PTPN4: variants seen among roughly 807,000 people sequenced by gnomAD.
The protein encoded by PTPN4 is tyrosine-protein phosphatase non-receptor type 4.
In PTPN4, 49 loss-of-function variants were observed where a neutral mutation model predicts 135.5. The ratio of observed to expected loss-of-function variants is 0.36; its 90% CI spans 0.29 to 0.46. PTPN4 has a LOEUF of 0.46. PTPN4 is among the 20% of genes least tolerant of loss of function. PTPN4 has a pLI of 1.00. For synonymous variants in PTPN4, 333 were observed against 369.9 expected, an observed-to-expected ratio of 0.90 and a Z score of 1.14; for missense variants, 860 against 1,101.0, an observed-to-expected ratio of 0.78 and a Z score of 3.10.
intron 1 of PTPN4, among the ~76,000 whole-genome samples, chr2:119,781,261 T>C (rs11889796): frequency 0.013 from 1,934 of 152,260 alleles, 39 homozygotes; most frequent in African/African-American, 0.042. Context: ...AGGAATAGTA[T>C]ATAGTAGGTT....
intron 8 of PTPN4, among the ~76,000 whole-genome samples, chr2:119,884,633 T>A (rs1044212092): frequency 1.4e-4 from 22 of 152,364 alleles, no homozygotes; most frequent in South Asian, 2.1e-4. Context: ...CAGATTTTTT[T>A]AAATTTACCG....
intron 10 of PTPN4, among the ~76,000 whole-genome samples, chr2:119,904,223 TA>T (rs990288945): frequency 2.4e-4 from 36 of 147,712 alleles, no homozygotes; most frequent in Non-Finnish European, 2.7e-4. Context: ...GAGAGATATT[TA>T]AAAAAAAAAG....
intron 16 of PTPN4, 39 bp from the exon 17 acceptor site, chr2:119,946,302 T>C (rs1255785299): frequency 6.9e-6 from 10 of 1,443,204 alleles, no homozygotes; most frequent in Non-Finnish European, 9.6e-6. Flanking sequence ...AGATTTTAAG[T>C]GAAGAAAATT....
intron 3 of PTPN4, among the ~76,000 whole-genome samples, chr2:119,873,446 A>T (rs1397291727): frequency 6.6e-6 from 1 of 152,186 alleles, no homozygotes; most frequent in East Asian, 1.9e-4. Flanking sequence ...GTTTTGGCAG[A>T]TACAAAAATT....
At chr2:119,767,931 A>G (rs527825561) in intron 1 of PTPN4, among the ~76,000 whole-genome samples, 34 of 152,302 alleles carry the variant, frequency 2.2e-4, no homozygotes, top group African/African-American at 7.9e-4. Flanking sequence ...ATGTGAGAAG[A>G]TATCTGGGAG....
At chr2:119,851,486 C>G (rs1677590505) in intron 2 of PTPN4, among the ~76,000 whole-genome samples, 1 of 152,206 alleles carries the variant, frequency 6.6e-6, no homozygotes, top group Non-Finnish European at 1.5e-5. Context: ...CATCTTGGAA[C>G]CCTTCCCCAT....
intron 12 of PTPN4, among the ~76,000 whole-genome samples, chr2:119,921,253 T>C (rs1320545863): frequency 6.6e-6 from 1 of 151,892 alleles, no homozygotes; most frequent in Non-Finnish European, 1.5e-5. Context: ...GCCATTGCAC[T>C]CCAGCCTGGG....
intron 1 of PTPN4, among the ~76,000 whole-genome samples, chr2:119,802,855 G>A (rs895173947): frequency 6.6e-6 from 1 of 152,068 alleles, no homozygotes; most frequent in Non-Finnish European, 1.5e-5. Flanking sequence ...ATTCTGTTGG[G>A]GGAGTTTTAG....
chr2:119,780,936 C>G (rs1362112227), intron 1 of PTPN4, among the ~76,000 whole-genome samples: 3 of 152,086 alleles, frequency 2.0e-5, no homozygotes, highest in Non-Finnish European at 4.4e-5. Flanking sequence ...GTTCTTCCTT[C>G]TATATTTATC....
At chr2:119,848,123 C>A (rs1677532256) in intron 2 of PTPN4, among the ~76,000 whole-genome samples, 1 of 150,538 alleles carries the variant, frequency 6.6e-6, no homozygotes, top group Admixed American at 6.6e-5. Flanking sequence ...TGTTTTTCAT[C>A]AAATTTGGGA....
At chr2:119,867,434 G>A (rs534726272) in intron 3 of PTPN4, among the ~76,000 whole-genome samples, 2 of 152,222 alleles carry the variant, frequency 1.3e-5, no homozygotes, top group Non-Finnish European at 2.9e-5. Flanking sequence ...GAGTTCATGA[G>A]GAAAAGGGGT....
chr2:119,846,135 T>C (rs538830902), intron 2 of PTPN4, among the ~76,000 whole-genome samples: 1 of 152,354 alleles, frequency 6.6e-6, no homozygotes, highest in East Asian at 1.9e-4. Flanking sequence ...GAATATTGCA[T>C]GTGCACTTGA....
chr2:119,946,571 A>G lies in PTPN4; in HGVS notation c.1653A>G (p.Thr551=). The G allele has an allele frequency of 6.3e-7, 1 of 1,588,360 alleles. No homozygotes were observed. Among genetic ancestry groups the G allele is most frequent in the Non-Finnish European group, 8.6e-7 (1 of 1,165,180 alleles). The change falls in exon 18 of 27, where the codon ACA becomes ACG. Residue 551 remains threonine, a synonymous_variant. Transcript: ENST00000263708. ...PVIVSRVAPG[T]PADLCVPRLN... ...TTGTGTCTCGAGTAGCACCAGGAAC[A>G]CCTGTGAGTTATCTAAATGTTTCAA...
intron 2 of PTPN4, among the ~76,000 whole-genome samples, chr2:119,816,202 T>C (rs558741971): frequency 6.6e-6 from 1 of 152,264 alleles, no homozygotes; most frequent in South Asian, 2.1e-4. Flanking sequence ...TATAACATGA[T>C]GGTATTTGTA....
At chr2:119,923,424 A>C (rs1191703428) in intron 12 of PTPN4, among the ~76,000 whole-genome samples, 2 of 152,220 alleles carry the variant, frequency 1.3e-5, no homozygotes, top group African/African-American at 2.4e-5. Context: ...CTTCAGGCTT[A>C]TGTTACTTGT....
At chr2:119,813,033 C>T (rs893504018) in intron 2 of PTPN4, among the ~76,000 whole-genome samples, 1 of 152,080 alleles carries the variant, frequency 6.6e-6, no homozygotes, top group Non-Finnish European at 1.5e-5. Context: ...TCAGGGATTC[C>T]GTGAGTCAGA....
chr2:119,945,708 C>G (rs1440709950), intron 16 of PTPN4, among the ~76,000 whole-genome samples: 11 of 152,068 alleles, frequency 7.2e-5, no homozygotes, highest in Admixed American at 7.2e-4. Context: ...ATATCCAAAA[C>G]AGTCAGATCT....
At position 119,892,506 on chromosome 2, in the gene PTPN4, G is replaced by A. The variant is rs544121393; in HGVS notation, c.675+6624G>A. ...ACAAACAAATGAGGGATCAGGGAAGGTCTCACTGAGAAGGTAAACAGATCT... is the reference window on the plus strand; with the variant it reads ...ACAAACAAATGAGGGATCAGGGAAGATCTCACTGAGAAGGTAAACAGATCT... On this transcript the variant is annotated intron_variant, in intron 9 of 26. Transcript: ENST00000263708. Among the ~76,000 whole-genome samples the A allele has an allele frequency of 1.3e-4, 20 of 152,264 alleles. No individual in the cohort carries two copies. In the South Asian group the frequency reaches 3.9e-3, roughly 30 times the overall value.
At chr2:119,782,039 A>T (rs1027771378) in intron 1 of PTPN4, among the ~76,000 whole-genome samples, 28 of 152,200 alleles carry the variant, frequency 1.8e-4, no homozygotes, top group African/African-American at 6.5e-4. Flanking sequence ...GAATTTTAGA[A>T]TTAGAAGGAT....
Sources: gnomAD v4.1 joint callset for allele counts (sites outside exome capture counted in the v4.1 genomes callset) on GRCh38, gnomAD v4.1.1 for gene constraint, MANE v1.5 for transcripts, NCBI Gene and HGNC (gene_info 2026-07-23, HGNC 2026-07-21) for gene names.